Variants in FOXP1 observed in about 807,000 individuals in gnomAD.
FOXP1 encodes forkhead box protein P1.
In FOXP1, 15 loss-of-function variants were observed where a neutral mutation model predicts 98.2. The ratio of observed to expected loss-of-function variants is 0.15; its 90% CI spans 0.10 to 0.24. The LOEUF (loss-of-function observed/expected upper bound fraction) is 0.24, where lower values mean the gene tolerates loss of function less well. FOXP1 is among the 10% of genes least tolerant of loss of function. The probability of loss-of-function intolerance (pLI) is 1.00; values close to 1 mark genes in which losing one functional copy is unlikely to be tolerated. For missense variants in FOXP1, 633 were observed against 848.5 expected (o/e 0.75, Z 3.15); for synonymous variants, 371 against 314.5 (o/e 1.18, Z -1.90).
At chr3:71,002,333 G>A (rs900564527) in intron 12 of FOXP1, among the ~76,000 whole-genome samples, 2 of 151,930 alleles carry the variant, frequency 1.3e-5, no homozygotes, top group South Asian at 2.1e-4. Context: ...TCTCATCCTC[G>A]CTCCCCTCCA....
chr3:71,198,940 C>T (rs2063483140), intron 5 of FOXP1, among the ~76,000 whole-genome samples: 1 of 152,056 alleles, frequency 6.6e-6, no homozygotes, highest in South Asian at 2.1e-4. Context: ...TCGTGATCCA[C>T]CCGCCTCGGC....
At chr3:71,160,266 G>A (rs2061069357) in intron 6 of FOXP1, among the ~76,000 whole-genome samples, 1 of 152,000 alleles carries the variant, frequency 6.6e-6, no homozygotes, top group Admixed American at 6.6e-5. Flanking sequence ...GTCTCTGTTT[G>A]GGCTGTGGTC....
At chr3:71,041,638 GTTTT>G in intron 10 of FOXP1, 106 bp from the exon 11 acceptor site, 1 of 1,103,330 alleles carries the variant, frequency 9.1e-7, no homozygotes, top group Non-Finnish European at 1.3e-6. Context: ...TGTTAGGGGG[GTTTT>G]TCGGTGTGTG....
chr3:71,407,985 G>C (rs1237722182), intron 3 of FOXP1, among the ~76,000 whole-genome samples: 2 of 152,066 alleles, frequency 1.3e-5, no homozygotes, highest in Admixed American at 6.6e-5. Context: ...CCCTGTGCTT[G>C]ATCACTGTCC....
chr3:71,348,541 G>GTA (rs887337325), intron 4 of FOXP1, among the ~76,000 whole-genome samples: 1 of 131,150 alleles, frequency 7.6e-6, no homozygotes, highest in Non-Finnish European at 1.6e-5. Context: ...GTGTGTGTGT[G>GTA]TGTGTGTGCG....
chr3:71,303,128 T>C (rs1312180390), intron 4 of FOXP1, among the ~76,000 whole-genome samples: 4 of 152,188 alleles, frequency 2.6e-5, no homozygotes, highest in African/African-American at 4.8e-5. Context: ...GCTCTTTTTT[T>C]CCCCATTTAT....
At position 71,041,429 on chromosome 3, in the gene FOXP1, C is replaced by T. The variant is rs748796990; in HGVS notation, c.768G>A (p.Thr256=). Residue 256 remains threonine, a synonymous_variant, in exon 11 of 21, where the codon ACG becomes ACA. Coordinates refer to ENST00000649528, the MANE Select transcript of FOXP1 (RefSeq NM_001349338.3). ...AAGGTGCAGAGGAGGAGACACATGT[C>T]GTGGTCAGATCCAAACTGCTGTGAT... ...GNNHSSLDLT[T]TCVSSSAPSK... is the part of the protein sequence containing the mutation. The T allele has an allele frequency of 3.9e-5, 63 of 1,613,726 alleles. No individual in the cohort carries two copies. The South Asian group carries it at 4.3e-4, about 11-fold the overall frequency.
intron 2 of FOXP1, among the ~76,000 whole-genome samples, chr3:71,551,594 G>C (rs2045784564): frequency 6.6e-6 from 1 of 152,144 alleles, no homozygotes; most frequent in African/African-American, 2.4e-5. Context: ...TAAACTTCTG[G>C]CATATGAAAC....
At chr3:71,519,596 G>A (rs375462753) in intron 2 of FOXP1, among the ~76,000 whole-genome samples, 22 of 152,156 alleles carry the variant, frequency 1.4e-4, no homozygotes, top group Admixed American at 3.3e-4. Context: ...CTGGTTCCAC[G>A]CAACAGATCT....
chr3:71,410,350 T>C (rs985734670), intron 3 of FOXP1, among the ~76,000 whole-genome samples: 1 of 152,254 alleles, frequency 6.6e-6, no homozygotes, highest in Non-Finnish European at 1.5e-5. Context: ...AAAAGTCTGT[T>C]TCCTTATTGG....
At chr3:71,172,788 C>G (rs191951227) in intron 6 of FOXP1, among the ~76,000 whole-genome samples, 4 of 152,248 alleles carry the variant, frequency 2.6e-5, no homozygotes, top group Admixed American at 2.0e-4. Context: ...TCGTTAGCTG[C>G]CTGGAATTCC....
At chr3:71,062,151 C>T (rs1360814947) in intron 7 of FOXP1, among the ~76,000 whole-genome samples, 2 of 151,082 alleles carry the variant, frequency 1.3e-5, no homozygotes, top group Non-Finnish European at 3.0e-5. Context: ...CTACAAACAA[C>T]AAAAAAAAAT....
intron 6 of FOXP1, among the ~76,000 whole-genome samples, chr3:71,170,254 C>T (rs1262421144): frequency 2.0e-5 from 3 of 152,124 alleles, no homozygotes; most frequent in African/African-American, 7.2e-5. Context: ...AACTGCAAAA[C>T]ACTTAGCGGT....
At chr3:71,045,692 C>T (rs2048928137) in intron 10 of FOXP1, among the ~76,000 whole-genome samples, 1 of 152,008 alleles carries the variant, frequency 6.6e-6, no homozygotes, top group African/African-American at 2.4e-5. Context: ...AGGAAAAAGC[C>T]CTGGTCTCGA....
At chr3:71,156,317 C>T (rs1177505542) in intron 6 of FOXP1, among the ~76,000 whole-genome samples, 1 of 152,138 alleles carries the variant, frequency 6.6e-6, no homozygotes, top group African/African-American at 2.4e-5. Context: ...TTTCTTTCAT[C>T]ATGCACTCAG....
chr3:71,115,426 T>C (rs1241446449), intron 6 of FOXP1, among the ~76,000 whole-genome samples: 1 of 151,888 alleles, frequency 6.6e-6, no homozygotes, highest in Non-Finnish European at 1.5e-5. Context: ...AACCTCTGCC[T>C]CCCGGGTTCA....
chr3:71,183,455 C>T (rs2062454124), intron 6 of FOXP1, among the ~76,000 whole-genome samples: 3 of 152,070 alleles, frequency 2.0e-5, no homozygotes, highest in Non-Finnish European at 4.4e-5. Context: ...GCCGAGATGG[C>T]CCCACTGCAC....
chr3:71,556,579 A>C (rs2046154859), intron 2 of FOXP1, among the ~76,000 whole-genome samples: 1 of 147,008 alleles, frequency 6.8e-6, no homozygotes, highest in African/African-American at 2.6e-5. Flanking sequence ...TCCGTCTCAA[A>C]AAAAAAAAAA....
Position 71,151,872 on chromosome 3 carries a change from A to C in FOXP1, c.181-39235T>G, listed in dbSNP as rs544329175. On this transcript the variant is annotated intron_variant, in intron 6 of 20. Coordinates refer to ENST00000649528, the MANE Select transcript of FOXP1 (RefSeq NM_001349338.3). Reference sequence around the variant, plus strand: ...CCTCTCCTCCAGGAAGCTGGAGAACAATCCACGAACAGTAGTGACTAAGAT... The same window carrying C: ...CCTCTCCTCCAGGAAGCTGGAGAACCATCCACGAACAGTAGTGACTAAGAT... 6.8e-4 allele frequency among the ~76,000 whole-genome samples: 104 copies of C among 152,292 alleles called. 1 individual carries two copies. The highest frequency in any genetic ancestry group is 2.4e-3 in the African/African-American group (99 of 41,552).
Sources: allele counts gnomAD v4.1 joint callset (sites outside exome capture counted in the v4.1 genomes callset), GRCh38; gene constraint gnomAD v4.1.1; transcripts MANE v1.5; gene names NCBI Gene and HGNC (gene_info 2026-07-23, HGNC 2026-07-21).